DLG2: variants seen among roughly 807,000 people sequenced by gnomAD.
DLG2 encodes the protein discs large MAGUK scaffold protein 2, also known as disks large homolog 2.
In DLG2, 45 loss-of-function variants were observed where a neutral mutation model predicts 132.5. The ratio of observed to expected loss-of-function variants is 0.34; its 90% CI spans 0.27 to 0.44. The LOEUF (loss-of-function observed/expected upper bound fraction) is 0.44. Ranked by LOEUF, DLG2 falls within the 20% of genes least tolerant of loss-of-function variation. DLG2 has a pLI of 1.00. For missense variants in DLG2, 1,045 were observed against 1,196.9 expected (o/e 0.87, Z 1.87); for synonymous variants, 424 against 419.6 (o/e 1.01, Z -0.13).
intron 18 of DLG2, among the ~76,000 whole-genome samples, chr11:83,680,130 T>G (rs2153595278): frequency 6.6e-6 from 1 of 152,296 alleles, no homozygotes; most frequent in East Asian, 1.9e-4. Flanking sequence ...CTTTTGTTGC[T>G]ATAAATAGAG....
intron 6 of DLG2, among the ~76,000 whole-genome samples, chr11:84,714,531 TTCTCTTTCTCTTTCTCTTTCTCTCTC>T (rs2060816277): frequency 9.5e-6 from 1 of 105,122 alleles, no homozygotes; most frequent in African/African-American, 7.6e-5. Flanking sequence ...CATTTCCTCT[TTCTCTTTCTCTTTCTCTTTCTCTCTC>T]TTTCTCTTTC....
chr11:84,096,466 TCA>T (rs2097166556), intron 10 of DLG2, among the ~76,000 whole-genome samples: 1 of 152,212 alleles, frequency 6.6e-6, no homozygotes, highest in Admixed American at 6.5e-5. Flanking sequence ...GCTGGCATTC[TCA>T]GAGATATCAC....
At chr11:84,595,990 A>T (rs982076673) in intron 6 of DLG2, among the ~76,000 whole-genome samples, 7 of 152,234 alleles carry the variant, frequency 4.6e-5, no homozygotes, top group African/African-American at 7.2e-5. Flanking sequence ...AAGGAATATT[A>T]ATGTGGAAAA....
intron 3 of DLG2, among the ~76,000 whole-genome samples, chr11:85,312,124 G>A (rs17148098): frequency 0.015 from 2,253 of 151,948 alleles, 62 homozygotes; most frequent in African/African-American, 0.052. Flanking sequence ...TTCCTCTATA[G>A]TAAAATGTGT....
chr11:84,575,020 G>C, intron 6 of DLG2, among the ~76,000 whole-genome samples: 1 of 152,108 alleles, frequency 6.6e-6, no homozygotes, highest in Non-Finnish European at 1.5e-5. Context: ...TAGAAGCATC[G>C]TCAGCTCTCT....
intron 7 of DLG2, among the ~76,000 whole-genome samples, chr11:84,415,539 G>A (rs2098926453): frequency 6.6e-6 from 1 of 152,108 alleles, no homozygotes; most frequent in Non-Finnish European, 1.5e-5. Context: ...ACAACTGCCA[G>A]ACTACAAAGG....
chr11:85,178,460 C>A (rs2079474870), intron 4 of DLG2, among the ~76,000 whole-genome samples: 1 of 151,562 alleles, frequency 6.6e-6, no homozygotes, highest in South Asian at 2.1e-4. Flanking sequence ...GCTACAGATC[C>A]AAAAATCCAA....
At chr11:85,265,730 C>T (rs1283755395) in intron 4 of DLG2, among the ~76,000 whole-genome samples, 1 of 152,232 alleles carries the variant, frequency 6.6e-6, no homozygotes, top group Non-Finnish European at 1.5e-5. Context: ...ACCCACCATC[C>T]TGTGCCTATA....
intron 6 of DLG2, chr11:85,021,702 TC>T: frequency 1.1e-6 from 1 of 886,744 alleles, no homozygotes; most frequent in Non-Finnish European, 1.8e-6. Flanking sequence ...TGGCTGAAGA[TC>T]AAAAAAAATC....
intron 19 of DLG2, among the ~76,000 whole-genome samples, chr11:83,599,437 A>G (rs1275005834): frequency 6.6e-6 from 1 of 151,934 alleles, no homozygotes; most frequent in Non-Finnish European, 1.5e-5. Context: ...ACAACTATCT[A>G]TCGCCTCCCT....
At chr11:84,447,638 T>G (rs2099039233) in intron 7 of DLG2, among the ~76,000 whole-genome samples, 1 of 152,056 alleles carries the variant, frequency 6.6e-6, no homozygotes, top group South Asian at 2.1e-4. Context: ...TATGAGTAGT[T>G]TTTTCTTTCT....
intron 21 of DLG2, among the ~76,000 whole-genome samples, chr11:83,530,749 T>G (rs532410978): frequency 6.6e-6 from 1 of 151,850 alleles, no homozygotes; most frequent in Non-Finnish European, 1.5e-5. Context: ...CTGGTGCAAT[T>G]AAGCAAGGAA....
At chr11:85,541,838 T>A (rs898961675) in intron 3 of DLG2, among the ~76,000 whole-genome samples, 13 of 152,180 alleles carry the variant, frequency 8.5e-5, no homozygotes, top group Non-Finnish European at 7.4e-5. Context: ...GGCTTCCTGT[T>A]GAATTGCTAA....
chr11:85,045,463 T>C (rs1443637254), intron 6 of DLG2, among the ~76,000 whole-genome samples: 1 of 152,074 alleles, frequency 6.6e-6, no homozygotes, highest in Non-Finnish European at 1.5e-5. Context: ...AGTTAAACTA[T>C]AAGTGATTCT....
chr11:84,365,090 C>T (rs1335218489), intron 7 of DLG2, among the ~76,000 whole-genome samples: 2 of 152,074 alleles, frequency 1.3e-5, no homozygotes, highest in Non-Finnish European at 2.9e-5. Flanking sequence ...AGGAATGGTA[C>T]CAGTTTCTCC....
At chr11:84,307,448 A>C (rs1490777735) in intron 7 of DLG2, among the ~76,000 whole-genome samples, 1 of 152,160 alleles carries the variant, frequency 6.6e-6, no homozygotes, top group Non-Finnish European at 1.5e-5. Context: ...GACTTCAAGA[A>C]TGAAGCCGCA....
chr11:83,470,968 G>A (rs1428366589), intron 24 of DLG2, among the ~76,000 whole-genome samples: 1 of 152,050 alleles, frequency 6.6e-6, no homozygotes, highest in African/African-American at 2.4e-5. Flanking sequence ...TGTAGACGGG[G>A]TGAATGAGTG....
intron 6 of DLG2, among the ~76,000 whole-genome samples, chr11:84,966,285 G>A (rs557720993): frequency 6.6e-6 from 1 of 152,052 alleles, no homozygotes; most frequent in South Asian, 2.1e-4. Flanking sequence ...TAGTATTACA[G>A]TTCACATAAA....
intron 6 of DLG2, among the ~76,000 whole-genome samples, chr11:85,001,888 T>C (rs886737606): frequency 6.6e-6 from 1 of 152,138 alleles, no homozygotes. Context: ...TTCTGCTCAA[T>C]ATGGGGTATA....
Sources: gnomAD v4.1 joint callset for allele counts (sites outside exome capture counted in the v4.1 genomes callset) on GRCh38, gnomAD v4.1.1 for gene constraint, MANE v1.5 for transcripts, NCBI Gene and HGNC (gene_info 2026-07-23, HGNC 2026-07-21) for gene names.